The following STK39 variants were observed in gnomAD, a reference collection of about 807,000 sequenced individuals.
STK39 encodes serine/threonine kinase 39.
In STK39, 20 loss-of-function variants were observed where a neutral mutation model predicts 77.8. The ratio of observed to expected loss-of-function variants is 0.26; its 90% confidence interval spans 0.18 to 0.37. The LOEUF (loss-of-function observed/expected upper bound fraction) is 0.37. Among genes scored for constraint, STK39 ranks in the 10% least tolerant of loss-of-function variants. The pLI, the probability that STK39 is intolerant of heterozygous loss-of-function variation, is 1.00. For synonymous variants in STK39, 246 were observed against 234.1 expected (o/e 1.05, Z -0.47); for missense variants, 479 against 656.5 (o/e 0.73, Z 2.95).
chr2:168,114,337 C>T (rs193202529), intron 10 of STK39, among the ~76,000 whole-genome samples: 1 of 152,214 alleles, frequency 6.6e-6, no homozygotes, highest in African/African-American at 2.4e-5. Context: ...TTAAATACTT[C>T]CTTATGCTCA....
At chr2:168,119,178 A>G (rs1687341972) in intron 10 of STK39, among the ~76,000 whole-genome samples, 3 of 152,198 alleles carry the variant, frequency 2.0e-5, no homozygotes, top group Admixed American at 1.3e-4. Context: ...GAGAGAGGAC[A>G]TGTGCACTCA....
At chr2:168,063,696 G>T in intron 13 of STK39, 126 bp from the exon 14 acceptor site, 2 of 772,292 alleles carry the variant, frequency 2.6e-6, no homozygotes, top group East Asian at 2.8e-5. Flanking sequence ...CTTTACACAC[G>T]CAGGCCTTCT....
chr2:168,188,583 G>T (rs1278194032), intron 1 of STK39, among the ~76,000 whole-genome samples: 1 of 152,152 alleles, frequency 6.6e-6, no homozygotes, highest in Non-Finnish European at 1.5e-5. Context: ...GATTGCAAGT[G>T]TGAAATTGCC....
chr2:168,005,321 C>CA (rs1684103300), intron 16 of STK39, among the ~76,000 whole-genome samples: 1 of 151,368 alleles, frequency 6.6e-6, no homozygotes, highest in Admixed American at 6.6e-5. Flanking sequence ...GCTGTTGAGA[C>CA]AAACCATATT....
chr2:168,244,771 A>G (rs1008497527), intron 1 of STK39, among the ~76,000 whole-genome samples: 4 of 152,222 alleles, frequency 2.6e-5, no homozygotes, highest in African/African-American at 9.6e-5. Context: ...TTGGGAAAAT[A>G]TGAGATAAAC....
chr2:168,018,534 AAAGAAAAGAAAGAAAGAAAGAAAG>A (rs1559059403), intron 14 of STK39, among the ~76,000 whole-genome samples: 64 of 73,662 alleles, frequency 8.7e-4, no homozygotes, highest in African/African-American at 4.4e-3. Context: ...GAAAGAAAAG[AAAGAAAAGAAAGAAAGAAAGAAAG>A]AAAGAAAGAA....
chr2:168,170,067 G>C (rs1574523294), intron 2 of STK39, among the ~76,000 whole-genome samples: 1 of 152,172 alleles, frequency 6.6e-6, no homozygotes, highest in Non-Finnish European at 1.5e-5. Flanking sequence ...CTGTAGCTCT[G>C]TCTTGAGATA....
intron 8 of STK39, 131 bp from the exon 9 acceptor site, chr2:168,129,889 T>A (rs1687635788): frequency 1.1e-6 from 1 of 942,366 alleles, no homozygotes; most frequent in Non-Finnish European, 1.7e-6. Context: ...GGGAACCAAA[T>A]TAATCATAGG....
intron 1 of STK39, among the ~76,000 whole-genome samples, chr2:168,197,561 G>A (rs1574547519): frequency 6.6e-6 from 1 of 152,100 alleles, no homozygotes; most frequent in African/African-American, 2.4e-5. Context: ...ATATTTCAGG[G>A]GGAAAGAACT....
In STK39 at chr2:168,129,530, A is replaced by C. The variant is rs771774844; in HGVS notation, c.1089+11T>G. Reference sequence around the variant, plus strand: ...GGTTCCTACAGGGTCATGAAGGCTAATGGCACTTACCTTTTTGGCTCTTTG... The same window carrying C: ...GGTTCCTACAGGGTCATGAAGGCTACTGGCACTTACCTTTTTGGCTCTTTG... On this transcript the variant is annotated intron_variant, in intron 10 of 17. Coordinates refer to ENST00000355999, the MANE Select transcript of STK39 (RefSeq NM_013233.3). 1.9e-6 allele frequency: 3 copies of C among 1,614,000 alleles called. No homozygotes were observed. In the Admixed American group the frequency reaches 5.0e-5, roughly 27 times the overall value.
At chr2:168,164,238 A>T (rs1304448925) in intron 3 of STK39, among the ~76,000 whole-genome samples, 1 of 152,178 alleles carries the variant, frequency 6.6e-6, no homozygotes, top group Non-Finnish European at 1.5e-5. Context: ...AGAAAGGAGT[A>T]TGAGGCCAGG....
intron 5 of STK39, among the ~76,000 whole-genome samples, chr2:168,143,538 C>G (rs971673551): frequency 1.3e-5 from 2 of 152,118 alleles, no homozygotes; most frequent in Admixed American, 1.3e-4. Flanking sequence ...TGGTGAAACC[C>G]CATCTCTACT....
At chr2:168,007,134 ATTT>A (rs1684151498) in intron 16 of STK39, among the ~76,000 whole-genome samples, 1 of 152,240 alleles carries the variant, frequency 6.6e-6, no homozygotes, top group Non-Finnish European at 1.5e-5. Flanking sequence ...AATGTTAGCT[ATTT>A]TATATTATAG....
At chr2:168,213,224 G>A (rs565592380) in intron 1 of STK39, among the ~76,000 whole-genome samples, 11 of 152,158 alleles carry the variant, frequency 7.2e-5, no homozygotes, top group Admixed American at 4.6e-4. Context: ...GAAATACTAA[G>A]TGCTAGAGCA....
intron 16 of STK39, among the ~76,000 whole-genome samples, chr2:167,994,338 A>C (rs763432029): frequency 6.6e-6 from 1 of 151,998 alleles, no homozygotes; most frequent in Non-Finnish European, 1.5e-5. Context: ...CCAGTGAAAA[A>C]GAAAAAAAAT....
intron 1 of STK39, among the ~76,000 whole-genome samples, chr2:168,217,850 GGACT>G (rs1273143110): frequency 1.3e-5 from 2 of 152,130 alleles, no homozygotes; most frequent in Non-Finnish European, 2.9e-5. Flanking sequence ...TGGACATGGA[GGACT>G]GACTGTAGAC....
intron 12 of STK39, among the ~76,000 whole-genome samples, chr2:168,069,244 C>T (rs925132266): frequency 6.6e-6 from 1 of 152,174 alleles, no homozygotes; most frequent in Non-Finnish European, 1.5e-5. Flanking sequence ...AAGCTAACAG[C>T]AGTCTTAAAT....
rs541891841 is a variant in STK39, at chr2:168,138,494, T to C, written c.841-273A>G. Among the ~76,000 whole-genome samples, 18 of 152,316 alleles carry C rather than the reference T, an allele frequency of 1.2e-4. No individual in the cohort carries two copies. In the East Asian group the frequency reaches 2.5e-3, roughly 21 times the overall value. On this transcript the variant is annotated intron_variant, in intron 7 of 17. Transcript: ENST00000355999. ...ATCCCGGACAGAGCTTTCTGGGAAC[T>C]GGCTCGTGTACTGCCTTGAGGAGCA...
chr2:168,064,648 A>G (rs899077122), intron 13 of STK39, among the ~76,000 whole-genome samples: 2 of 152,238 alleles, frequency 1.3e-5, no homozygotes, highest in African/African-American at 4.8e-5. Context: ...GAATATGCAG[A>G]GTTTGAAAGA....
Sources: gnomAD v4.1 joint callset for allele counts (sites outside exome capture counted in the v4.1 genomes callset) on GRCh38, gnomAD v4.1.1 for gene constraint, MANE v1.5 for transcripts, NCBI Gene and HGNC (gene_info 2026-07-23, HGNC 2026-07-21) for gene names.